The following PLXDC1 variants were observed in gnomAD, a reference collection of about 807,000 sequenced individuals.
PLXDC1 encodes plexin domain containing 1, also known as plexin domain-containing protein 1.
Under a neutral mutation model 61.3 loss-of-function variants are expected in PLXDC1, and 39 were observed. The observed-to-expected ratio is 0.64, with a 90% CI of 0.49 to 0.83. The LOEUF is 0.83. PLXDC1 is among the 40% of genes least tolerant of loss of function. The probability of loss-of-function intolerance (pLI) is 0.00; values close to 1 mark genes in which losing one functional copy is unlikely to be tolerated. For missense variants in PLXDC1, 596 were observed against 666.5 expected (o/e 0.89, Z 1.17); for synonymous variants, 212 against 254.5 (o/e 0.83, Z 1.59).
chr17:39,126,129 C>T (rs577540258), intron 2 of PLXDC1, among the ~76,000 whole-genome samples: 2 of 152,274 alleles, frequency 1.3e-5, no homozygotes, highest in South Asian at 2.1e-4. Flanking sequence ...TGGCGCATGC[C>T]TGTAATCCTA....
At chr17:39,075,274 T>A (rs151036714) in intron 11 of PLXDC1, among the ~76,000 whole-genome samples, 1 of 152,234 alleles carries the variant, frequency 6.6e-6, no homozygotes, top group Non-Finnish European at 1.5e-5. Flanking sequence ...TTCTTTTTCA[T>A]TGAATCCCCT....
chr17:39,092,129 A>T lies in PLXDC1; in HGVS notation c.812-4427T>A, dbSNP rs1418853500. Among the ~76,000 whole-genome samples the T allele has an allele frequency of 2.6e-5, 4 of 151,994 alleles. No individual in the cohort carries two copies. In the East Asian group the frequency reaches 7.7e-4, roughly 29 times the overall value. On this transcript the variant is annotated intron_variant, in intron 7 of 13. Coordinates refer to ENST00000315392, the MANE Select transcript of PLXDC1 (RefSeq NM_020405.5). ...GGTCTCGCTCTGTCACCCAGGCTGG[A>T]GTGTAATGGCGCAATCACAGTTCAC... is the stretch of plus-strand genomic sequence containing the variant.
At chr17:39,118,889 A>G (rs1221958572) in intron 2 of PLXDC1, among the ~76,000 whole-genome samples, 1 of 152,258 alleles carries the variant, frequency 6.6e-6, no homozygotes. Context: ...TTGGAGACTT[A>G]GGAACTGAAA....
At chr17:39,140,886 A>G (rs780577508) in intron 1 of PLXDC1, among the ~76,000 whole-genome samples, 24 of 152,184 alleles carry the variant, frequency 1.6e-4, no homozygotes, top group Non-Finnish European at 2.5e-4. Flanking sequence ...TTGCCATCTA[A>G]CCATTTCCAA....
At position 39,139,786 on chromosome 17, in the gene PLXDC1, C is replaced by T. The variant is rs994667290; in HGVS notation, c.123G>A (p.Val41=). 2 of 1,613,650 alleles carry T rather than the reference C, an allele frequency of 1.2e-6. No individual in the cohort carries two copies. Among genetic ancestry groups the T allele is most frequent in the African/African-American group, 2.7e-5 (2 of 74,934 alleles). ...PGSGWAAKGT[V]RGWNRRARES... is the part of the protein sequence containing the mutation. Reference sequence around the variant, plus strand: ...CTCGGGCTCTCCGGTTCCAGCCCCGCACGGTCCCTTTGGCAGCCCATCCAG... The same window carrying T: ...CTCGGGCTCTCCGGTTCCAGCCCCGTACGGTCCCTTTGGCAGCCCATCCAG... The change falls in exon 2 of 14, where the codon GTG becomes GTA. Residue 41 remains valine (V), a synonymous_variant. Coordinates refer to ENST00000315392, the MANE Select transcript of PLXDC1 (RefSeq NM_020405.5).
At chr17:39,135,340 C>T (rs541282228) in intron 2 of PLXDC1, among the ~76,000 whole-genome samples, 18 of 152,202 alleles carry the variant, frequency 1.2e-4, no homozygotes, top group Non-Finnish European at 1.8e-4. Flanking sequence ...TTCTGACAAT[C>T]GAGCGGGTCA....
intron 2 of PLXDC1, among the ~76,000 whole-genome samples, chr17:39,134,416 A>C (rs1911669136): frequency 6.6e-6 from 1 of 151,832 alleles, no homozygotes; most frequent in Non-Finnish European, 1.5e-5. Context: ...GCCTGAGCTC[A>C]GGAGTTCAAG....
intron 1 of PLXDC1, among the ~76,000 whole-genome samples, chr17:39,142,644 C>A (rs1365092346): frequency 6.6e-6 from 1 of 152,242 alleles, no homozygotes; most frequent in Non-Finnish European, 1.5e-5. Context: ...CCTCAGCCTT[C>A]TGAGTAGCTG....
At chr17:39,085,212 T>C (rs940512931) in intron 8 of PLXDC1, among the ~76,000 whole-genome samples, 2 of 152,244 alleles carry the variant, frequency 1.3e-5, no homozygotes, top group African/African-American at 4.8e-5. Context: ...AGAGGCTGCA[T>C]GGGCACAGTG....
At chr17:39,144,471 A>G (rs1305019588) in intron 1 of PLXDC1, among the ~76,000 whole-genome samples, 1 of 152,160 alleles carries the variant, frequency 6.6e-6, no homozygotes, top group Non-Finnish European at 1.5e-5. Context: ...TCCAACCCAT[A>G]CTACATCTGT....
chr17:39,068,065 TG>T (rs745452802), intron 13 of PLXDC1, 106 bp from the exon 14 acceptor site: 3 of 998,498 alleles, frequency 3.0e-6, no homozygotes, highest in Non-Finnish European at 4.4e-6. Flanking sequence ...ATAAGGGCCC[TG>T]GGGCACTTGG....
At chr17:39,141,598 G>A (rs965149385) in intron 1 of PLXDC1, among the ~76,000 whole-genome samples, 1 of 152,226 alleles carries the variant, frequency 6.6e-6, no homozygotes, top group Non-Finnish European at 1.5e-5. Flanking sequence ...CTACAAACAT[G>A]GGTGTACAAA....
intron 7 of PLXDC1, among the ~76,000 whole-genome samples, chr17:39,104,072 C>T (rs904583765): frequency 1.3e-5 from 2 of 152,150 alleles, no homozygotes; most frequent in African/African-American, 4.8e-5. Context: ...CGCTACAGAA[C>T]AAGGTGTCCT....
intron 11 of PLXDC1, among the ~76,000 whole-genome samples, chr17:39,075,815 C>T (rs542693750): frequency 3.9e-5 from 6 of 152,312 alleles, no homozygotes; most frequent in South Asian, 2.1e-4. Flanking sequence ...CAGTGGCTCA[C>T]GCCTGTAATC....
intron 2 of PLXDC1, among the ~76,000 whole-genome samples, chr17:39,117,393 T>C (rs1267728231): frequency 6.6e-6 from 1 of 152,096 alleles, no homozygotes; most frequent in Admixed American, 6.5e-5. Context: ...TACAAGGCTG[T>C]AAGGTAAAAT....
chr17:39,093,399 G>A (rs534741382), intron 7 of PLXDC1, among the ~76,000 whole-genome samples: 26 of 152,046 alleles, frequency 1.7e-4, no homozygotes, highest in Non-Finnish European at 2.8e-4. Flanking sequence ...ACCGAGCCCA[G>A]TTGTTTATTT....
At chr17:39,096,073 G>A (rs1910187619) in intron 7 of PLXDC1, among the ~76,000 whole-genome samples, 1 of 152,190 alleles carries the variant, frequency 6.6e-6, no homozygotes, top group Non-Finnish European at 1.5e-5. Context: ...GTTAGGAGAT[G>A]ACAGGTCGAT....
At chr17:39,090,992 G>A (rs1365808355) in intron 7 of PLXDC1, among the ~76,000 whole-genome samples, 3 of 152,208 alleles carry the variant, frequency 2.0e-5, no homozygotes, top group South Asian at 2.1e-4. Context: ...CGGCCTGACC[G>A]CGGTACTGTG....
chr17:39,139,752 C>A lies in PLXDC1; in HGVS notation c.157G>T (p.Gly53Trp). 1 of 1,614,040 alleles carries A rather than the reference C, an allele frequency of 6.2e-7. No homozygotes were observed. Residue 53 changes from glycine (G) to tryptophan (W), a missense_variant, in exon 2 of 14, where the codon GGG (glycine) becomes TGG (tryptophan). Transcript: ENST00000315392. ...GWNRRARESP[G>W]HVSEPDRTQL... is the part of the protein sequence containing the mutation. ...GTCCTGTCCGGCTCTGACACATGCCCAGGGCTCTCTCGGGCTCTCCGGTTC... is the reference window on the plus strand; with the variant it reads ...GTCCTGTCCGGCTCTGACACATGCCAAGGGCTCTCTCGGGCTCTCCGGTTC...
Sources: allele counts gnomAD v4.1 joint callset (sites outside exome capture counted in the v4.1 genomes callset), GRCh38; gene constraint gnomAD v4.1.1; transcripts MANE v1.5; gene names NCBI Gene and HGNC (gene_info 2026-07-23, HGNC 2026-07-21).